Variants in OVCH1 observed in about 807,000 individuals in gnomAD.
The protein encoded by OVCH1 is ovochymase 1, also known as ovochymase-1.
A neutral mutation model predicts 138.4 loss-of-function variants in OVCH1; 139 were observed. The observed-to-expected ratio is 1.00, with a 90% CI of 0.87 to 1.16. The LOEUF (loss-of-function observed/expected upper bound fraction) is 1.16. OVCH1 is among the 50% of genes most tolerant of loss of function. The pLI, the probability that OVCH1 is intolerant of heterozygous loss-of-function variation, is 0.00. For missense variants in OVCH1, 1,367 were observed against 1,357.9 expected (o/e 1.01, Z -0.11); for synonymous variants, 453 against 467.8 (o/e 0.97, Z 0.41).
intron 8 of OVCH1, among the ~76,000 whole-genome samples, chr12:29,485,959 AAAATAAAATAAAAT>A (rs1398790836): frequency 4.4e-4 from 49 of 110,848 alleles, no homozygotes; most frequent in African/African-American, 1.6e-3. Context: ...TAAATAAAAT[AAAATAAAATAAAAT>A]AAATAAATAA....
rs1941851323 is a variant in OVCH1 at position 29,453,324 on chromosome 12, C to T, written c.2530+1517G>A. Among the ~76,000 whole-genome samples the T allele has an allele frequency of 5.3e-5, 8 of 152,182 alleles. No homozygotes were observed. In the South Asian group the frequency reaches 1.0e-3, roughly 20 times the overall value. On this transcript the variant is annotated intron_variant, in intron 21 of 27. Coordinates refer to ENST00000318184, the Ensembl canonical transcript of OVCH1. ...ACTCCTTATTCCTGGAAGATTTTAG[C>T]GGTCATTTTCTCCAACACTTTTCCT...
At chr12:29,410,269 C>T (rs989353408), downstream of OVCH1, among the ~76,000 whole-genome samples, 1 of 144,946 alleles carries the variant, frequency 6.9e-6, no homozygotes, top group Non-Finnish European at 1.6e-5. Context: ...ATCCAATTTG[C>T]CAGTCTTTGT....
intron 3 of OVCH1, among the ~76,000 whole-genome samples, chr12:29,413,767 C>T (rs141937647): frequency 2.0e-5 from 3 of 152,236 alleles, no homozygotes; most frequent in African/African-American, 7.2e-5. Context: ...ATCTGCTATC[C>T]TGGATCATTT....
chr12:29,476,561 C>T (rs751174628), intron 12 of OVCH1, among the ~76,000 whole-genome samples: 3 of 152,162 alleles, frequency 2.0e-5, no homozygotes, highest in African/African-American at 4.8e-5. Context: ...ATATTCATGG[C>T]ACCATGGCTG....
chr12:29,483,511 TTAGCA>T (rs1189469653), intron 8 of OVCH1, among the ~76,000 whole-genome samples: 1 of 152,194 alleles, frequency 6.6e-6, no homozygotes, highest in Non-Finnish European at 1.5e-5. Flanking sequence ...CATTTTAGTT[TTAGCA>T]TACCCATTGG....
chr12:29,484,470 A>T (rs2136062368), intron 8 of OVCH1, among the ~76,000 whole-genome samples: 1 of 152,364 alleles, frequency 6.6e-6, no homozygotes, highest in African/African-American at 2.4e-5. Context: ...ATACTTTTAT[A>T]TTAGAACTGG....
intron 16 of OVCH1, among the ~76,000 whole-genome samples, chr12:29,469,184 T>G (rs1322722474): frequency 6.6e-6 from 1 of 152,164 alleles, no homozygotes; most frequent in African/African-American, 2.4e-5. Flanking sequence ...AGAAACCTGG[T>G]AAACACTATC....
At chr12:29,489,490 A>G (rs971092957) in intron 6 of OVCH1, 130 bp downstream of exon 6, 109 of 1,077,588 alleles carry the variant, frequency 1.0e-4, no homozygotes, top group Non-Finnish European at 1.3e-4. Context: ...AGTAGAAATC[A>G]GAGGAAAAGA....
intron 19 of OVCH1, among the ~76,000 whole-genome samples, chr12:29,456,949 C>A (rs1391965632): frequency 6.6e-6 from 1 of 152,092 alleles, no homozygotes; most frequent in African/African-American, 2.4e-5. Context: ...TATTTAGGAC[C>A]AAACTAAGTC....
chr12:29,465,316 T>C (rs1942277518), intron 16 of OVCH1, 97 bp from the exon 17 acceptor site: 2 of 996,780 alleles, frequency 2.0e-6, no homozygotes, highest in South Asian at 3.5e-5. Context: ...ATAAAGTCTT[T>C]CTGAAGACGT....
At chr12:29,448,677 A>G (rs1262337919) in intron 22 of OVCH1, among the ~76,000 whole-genome samples, 1 of 152,114 alleles carries the variant, frequency 6.6e-6, no homozygotes, top group East Asian at 1.9e-4. Context: ...AAAATGTGCC[A>G]AGCAGTTAGG....
In OVCH1 at chr12:29,491,091, TCTTA is replaced by T; in HGVS notation, c.550+2_550+5del. 2 of 1,610,980 alleles carry T rather than the reference TCTTA, an allele frequency of 1.2e-6. No individual in the cohort carries two copies. The highest frequency in any genetic ancestry group is 1.7e-6 in the Non-Finnish European group (2 of 1,177,274). On this transcript the variant is annotated splice_donor_variant and splice_donor_5th_base_variant and intron_variant, in intron 5 of 27. Coordinates refer to ENST00000318184, the Ensembl canonical transcript of OVCH1. LOFTEE classifies it high-confidence loss of function. ...AGAAGTATTAAGTCATTTTGGTGTC[TCTTA>T]CTTTTGGAAATCTTGCCCCATCCAC...
At chr12:29,430,546 T>A (rs1941250537) in intron 27 of OVCH1, among the ~76,000 whole-genome samples, 1 of 152,156 alleles carries the variant, frequency 6.6e-6, no homozygotes, top group Non-Finnish European at 1.5e-5. Flanking sequence ...CCTAGGAGGA[T>A]TATGACTGTC....
the OVCH1 span, among the ~76,000 whole-genome samples, chr12:29,405,467 G>A: frequency 1.3e-5 from 2 of 152,084 alleles, no homozygotes; most frequent in African/African-American, 4.8e-5. Flanking sequence ...TCATCCTCTA[G>A]CACAAAAAGA....
At chr12:29,474,218 T>A (rs1942626403) in intron 14 of OVCH1, among the ~76,000 whole-genome samples, 1 of 152,112 alleles carries the variant, frequency 6.6e-6, no homozygotes, top group Admixed American at 6.6e-5. Flanking sequence ...ATAGAATAAA[T>A]TCTTTACAAT....
At chr12:29,474,107 A>G (rs113513684) in intron 14 of OVCH1, among the ~76,000 whole-genome samples, 1 of 143,590 alleles carries the variant, frequency 7.0e-6, no homozygotes, top group African/African-American at 2.9e-5. Context: ...ACACACACAT[A>G]TATATATCTG....
chr12:29,439,462 AC>A, intron 25 of OVCH1: 1 of 1,477,446 alleles, frequency 6.8e-7, no homozygotes, highest in Non-Finnish European at 8.9e-7. Context: ...AAACAAACAA[AC>A]AAACAAACAA....
chr12:29,405,306 A>T, the OVCH1 span, among the ~76,000 whole-genome samples: 3 of 139,248 alleles, frequency 2.2e-5, no homozygotes, highest in South Asian at 7.0e-4. Flanking sequence ...CATACTAAAA[A>T]GAAAACTCCC....
chr12:29,458,650 C>A (rs1050077425), intron 19 of OVCH1, among the ~76,000 whole-genome samples: 1 of 152,088 alleles, frequency 6.6e-6, no homozygotes, highest in Non-Finnish European at 1.5e-5. Flanking sequence ...CACATAAGAT[C>A]ATATCATGTT....
Sources: gnomAD v4.1 joint callset for allele counts (sites outside exome capture counted in the v4.1 genomes callset) on GRCh38, gnomAD v4.1.1 for gene constraint, MANE v1.5 for transcripts, NCBI Gene and HGNC (gene_info 2026-07-23, HGNC 2026-07-21) for gene names.